KCNIP4: variants seen among roughly 807,000 people sequenced by gnomAD.
The protein encoded by KCNIP4 is Kv channel-interacting protein 4.
KCNIP4 carries 12 observed loss-of-function variants against 34.0 expected under a neutral mutation model. The ratio of observed to expected loss-of-function variants is 0.35; its 90% CI spans 0.23 to 0.57. The LOEUF (loss-of-function observed/expected upper bound fraction) is 0.57, where lower values mean the gene tolerates loss of function less well. Among genes scored for constraint, KCNIP4 ranks in the 20% least tolerant of loss-of-function variants. The pLI is 0.83. For missense variants in KCNIP4, 238 were observed against 311.7 expected (o/e 0.76, Z 1.78); for synonymous variants, 124 against 102.2 (o/e 1.21, Z -1.29).
chr4:20,743,966 T>A (rs552176169), intron 5 of KCNIP4, among the ~76,000 whole-genome samples: 65 of 150,174 alleles, frequency 4.3e-4, no homozygotes, highest in African/African-American at 1.4e-3. Flanking sequence ...ATGAACAGAC[T>A]CTTCTCAAAA....
At chr4:20,893,660 A>G (rs1385337724) in intron 1 of KCNIP4, among the ~76,000 whole-genome samples, 2 of 151,322 alleles carry the variant, frequency 1.3e-5, no homozygotes, top group African/African-American at 4.9e-5. Flanking sequence ...CTGGGCTCAA[A>G]CAGTCCTCCC....
intron 3 of KCNIP4, among the ~76,000 whole-genome samples, chr4:20,847,718 GA>G (rs1393542629): frequency 6.6e-6 from 1 of 152,136 alleles, no homozygotes; most frequent in East Asian, 1.9e-4. Context: ...TACCATATGG[GA>G]AAAAATTGGT....
At chr4:21,209,419 C>T (rs985477146) in intron 1 of KCNIP4, among the ~76,000 whole-genome samples, 1 of 152,108 alleles carries the variant, frequency 6.6e-6, no homozygotes. Flanking sequence ...CAACACTCTT[C>T]CCAGTCTTTA....
intron 1 of KCNIP4, among the ~76,000 whole-genome samples, chr4:21,134,040 C>T (rs1577753879): frequency 6.7e-6 from 1 of 149,238 alleles, no homozygotes; most frequent in South Asian, 2.1e-4. Context: ...TCTTATCTAA[C>T]CCCCCAAACC....
intron 1 of KCNIP4, among the ~76,000 whole-genome samples, chr4:21,854,202 A>T (rs1239625672): frequency 6.6e-6 from 1 of 152,210 alleles, no homozygotes; most frequent in East Asian, 1.9e-4. Flanking sequence ...AACGGTAAGT[A>T]TCAAGAAAGG....
intron 1 of KCNIP4, among the ~76,000 whole-genome samples, chr4:21,589,194 A>C (rs1374161962): frequency 2.1e-5 from 1 of 47,274 alleles, no homozygotes; most frequent in Non-Finnish European, 4.5e-5. Context: ...ATATATATAT[A>C]TATATATGTG....
At chr4:21,918,406 C>A (rs549537098) in intron 1 of KCNIP4, among the ~76,000 whole-genome samples, 1 of 152,214 alleles carries the variant, frequency 6.6e-6, no homozygotes, top group Admixed American at 6.5e-5. Flanking sequence ...TCTTTCCATG[C>A]ACATCGTATT....
chr4:20,764,305 C>T (rs1374618033), intron 3 of KCNIP4, among the ~76,000 whole-genome samples: 1 of 151,972 alleles, frequency 6.6e-6, no homozygotes, highest in African/African-American at 2.4e-5. Flanking sequence ...AAAATTATAG[C>T]ATTTTATGTT....
chr4:20,847,710 C>G (rs1471110100), intron 3 of KCNIP4, among the ~76,000 whole-genome samples: 2 of 152,096 alleles, frequency 1.3e-5, no homozygotes, highest in Non-Finnish European at 2.9e-5. Flanking sequence ...ATCAGAGATA[C>G]CATATGGGAA....
intron 1 of KCNIP4, among the ~76,000 whole-genome samples, chr4:21,260,374 T>C (rs1005131557): frequency 6.6e-6 from 1 of 152,186 alleles, no homozygotes; most frequent in Non-Finnish European, 1.5e-5. Context: ...TATTTATAAG[T>C]ATTCGTGATT....
At chr4:21,686,009 C>A (rs1577842399) in intron 1 of KCNIP4, among the ~76,000 whole-genome samples, 1 of 152,156 alleles carries the variant, frequency 6.6e-6, no homozygotes, top group African/African-American at 2.4e-5. Flanking sequence ...AACTGGCTTC[C>A]TAGTTCTTTA....
At chr4:21,781,028 T>C (rs1436399904) in intron 1 of KCNIP4, among the ~76,000 whole-genome samples, 1 of 152,162 alleles carries the variant, frequency 6.6e-6, no homozygotes, top group Non-Finnish European at 1.5e-5. Flanking sequence ...CACACCACTC[T>C]GGTCTGACCC....
chr4:21,294,715 A>G (rs1190255548), intron 1 of KCNIP4, among the ~76,000 whole-genome samples: 2 of 152,192 alleles, frequency 1.3e-5, no homozygotes, highest in Non-Finnish European at 2.9e-5. Context: ...TAACAAGTCA[A>G]TTAACCTTCC....
chr4:21,848,752 G>A (rs1386571037), intron 1 of KCNIP4: 1 of 152,040 alleles, frequency 6.6e-6, no homozygotes, highest in Admixed American at 6.6e-5. Context: ...CACGATTATT[G>A]AACTCAATCC....
intron 1 of KCNIP4, among the ~76,000 whole-genome samples, chr4:21,156,049 A>C (rs1164702245): frequency 6.6e-6 from 1 of 152,188 alleles, no homozygotes; most frequent in Non-Finnish European, 1.5e-5. Context: ...GTTGTAGCTA[A>C]AGATTCTTGA....
At chr4:21,269,723 A>G (rs1421288392) in intron 1 of KCNIP4, among the ~76,000 whole-genome samples, 1 of 152,140 alleles carries the variant, frequency 6.6e-6, no homozygotes, top group Non-Finnish European at 1.5e-5. Flanking sequence ...CTGGGTGAAT[A>G]CTGCCACATC....
At chr4:20,732,813 G>T in intron 6 of KCNIP4, 28 bp from the exon 7 acceptor site, 1 of 1,314,864 alleles carries the variant, frequency 7.6e-7, no homozygotes, top group Non-Finnish European at 1.1e-6. Flanking sequence ...CTCACGTGAG[G>T]CTGCACACAT....
chr4:20,750,144 C>G (rs1394897713), intron 4 of KCNIP4, among the ~76,000 whole-genome samples: 2 of 152,182 alleles, frequency 1.3e-5, no homozygotes, highest in South Asian at 2.1e-4. Context: ...TTATTAGTGT[C>G]TCTGTCATTA....
chr4:21,465,057 G>C (rs935534685), intron 1 of KCNIP4, among the ~76,000 whole-genome samples: 1 of 152,176 alleles, frequency 6.6e-6, no homozygotes, highest in African/African-American at 2.4e-5. Context: ...CACAGGTGTA[G>C]ACTGCCAGGC....
Sources: gnomAD v4.1 joint callset for allele counts (sites outside exome capture counted in the v4.1 genomes callset) on GRCh38, gnomAD v4.1.1 for gene constraint, MANE v1.5 for transcripts, NCBI Gene and HGNC (gene_info 2026-07-23, HGNC 2026-07-21) for gene names.